The following TRIQK variants were observed in gnomAD, a reference collection of about 807,000 sequenced individuals.
TRIQK encodes the protein triple QxxK/R motif-containing protein.
TRIQK carries 10 observed loss-of-function variants against 10.8 expected under a neutral mutation model. That is an observed-to-expected ratio of 0.92 (90% CI 0.57 to 1.57). The LOEUF is 1.57. Among genes scored for constraint, TRIQK ranks in the 40% most tolerant of loss-of-function variants. The probability of loss-of-function intolerance (pLI) is 0.00; values close to 1 mark genes in which losing one functional copy is unlikely to be tolerated. For synonymous variants in TRIQK, 33 were observed against 33.7 expected (o/e 0.98, Z 0.07); for missense variants, 107 against 97.7 (o/e 1.09, Z -0.40).
chr8:93,012,213 T>A (rs925330671), intron 1 of TRIQK, among the ~76,000 whole-genome samples: 10 of 152,198 alleles, frequency 6.6e-5, no homozygotes, highest in African/African-American at 1.9e-4. Flanking sequence ...GAAACTTTGT[T>A]GAAAGGGTAA....
intron 2 of TRIQK, among the ~76,000 whole-genome samples, chr8:92,945,790 C>T (rs1811499728): frequency 6.6e-6 from 1 of 152,014 alleles, no homozygotes; most frequent in South Asian, 2.1e-4. Context: ...ATATAAAATA[C>T]AGTTAATTAT....
At chr8:92,923,568 AATC>A in intron 2 of TRIQK, among the ~76,000 whole-genome samples, 1 of 151,920 alleles carries the variant, frequency 6.6e-6, no homozygotes, top group Middle Eastern at 3.2e-3. Context: ...TTTCAGATTA[AATC>A]ATCACAGAAG....
chr8:93,015,201 TTTAC>T (rs1273422657), intron 1 of TRIQK, among the ~76,000 whole-genome samples: 1 of 151,836 alleles, frequency 6.6e-6, no homozygotes, highest in Non-Finnish European at 1.5e-5. Flanking sequence ...AAAAATTTGT[TTTAC>T]TTAGATGCTT....
intron 3 of TRIQK, among the ~76,000 whole-genome samples, chr8:92,908,232 T>G (rs1012275466): frequency 2.0e-5 from 3 of 151,562 alleles, no homozygotes; most frequent in African/African-American, 7.3e-5. Flanking sequence ...TAAATGTTCA[T>G]TTTCTAGAAG....
At position 92,889,554 on chromosome 8, in the gene TRIQK, C is replaced by T. The variant is rs751785836; in HGVS notation, c.147+2435G>A. Among the ~76,000 whole-genome samples, 5 of 151,644 alleles carry T rather than the reference C, an allele frequency of 3.3e-5. No homozygotes were observed. The East Asian group carries it at 5.8e-4, about 18-fold the overall frequency. ...TTTTGTAATATATAATATGGCAACACGATGCACACTTTAGGAGGGTATCTT... is the reference window on the plus strand; with the variant it reads ...TTTTGTAATATATAATATGGCAACATGATGCACACTTTAGGAGGGTATCTT... On this transcript the variant is annotated intron_variant, in intron 4 of 4. Transcript: ENST00000521988.
chr8:92,952,090 A>C lies in TRIQK; in HGVS notation c.-22+2316T>G, dbSNP rs116927775. ...AGGCATACTAAAAGGGAAAAAAAAA[A>C]ACACAATTTGAAGAGATACACAAGC... On this transcript the variant is annotated intron_variant, in intron 2 of 4. Coordinates refer to ENST00000521988, the MANE Select transcript of TRIQK (RefSeq NM_001171797.2). 1.8e-3 allele frequency among the ~76,000 whole-genome samples: 281 copies of C among 152,198 alleles called. 2 individuals are homozygous for C. The highest frequency in any genetic ancestry group is 3.4e-3 in the Middle Eastern group (1 of 294).
intron 1 of TRIQK, among the ~76,000 whole-genome samples, chr8:92,996,403 G>A (rs1439578398): frequency 6.6e-6 from 1 of 151,884 alleles, no homozygotes; most frequent in Non-Finnish European, 1.5e-5. Flanking sequence ...CTACTGCATT[G>A]AACCATAAAT....
At chr8:92,934,028 G>A (rs1046190038) in intron 2 of TRIQK, among the ~76,000 whole-genome samples, 11 of 152,020 alleles carry the variant, frequency 7.2e-5, no homozygotes, top group African/African-American at 2.2e-4. Context: ...AGAGAGAGCA[G>A]GAGAGAAAGT....
At chr8:92,996,672 T>C (rs1172513376) in intron 1 of TRIQK, among the ~76,000 whole-genome samples, 1 of 151,986 alleles carries the variant, frequency 6.6e-6, no homozygotes, top group African/African-American at 2.4e-5. Flanking sequence ...ACATATTACA[T>C]AGTGAAATAA....
intron 1 of TRIQK, among the ~76,000 whole-genome samples, chr8:92,955,673 T>C (rs1187580864): frequency 4.6e-5 from 7 of 151,676 alleles, no homozygotes. Context: ...GCACACCATA[T>C]ATATAATAAA....
intron 1 of TRIQK, among the ~76,000 whole-genome samples, chr8:93,003,750 C>A (rs1294273848): frequency 6.6e-6 from 1 of 152,136 alleles, no homozygotes; most frequent in Non-Finnish European, 1.5e-5. Flanking sequence ...AGCGTACAGG[C>A]ATTTGGTAAA....
chr8:92,973,113 T>G (rs1812892357), intron 1 of TRIQK: 1 of 152,210 alleles, frequency 6.6e-6, no homozygotes, highest in Non-Finnish European at 1.5e-5. Context: ...GTTATCAAAG[T>G]CATTTGTTTT....
At chr8:93,017,661 G>C (rs1813398674) in exon 1 of TRIQK, 2 of 152,386 alleles carry the variant, frequency 1.3e-5, no homozygotes, top group Admixed American at 1.3e-4. Context: ...GGAGAGGCCA[G>C]AATTGCCGGA....
intron 3 of TRIQK, among the ~76,000 whole-genome samples, chr8:92,905,305 T>C (rs1412060504): frequency 6.6e-6 from 1 of 152,154 alleles, no homozygotes; most frequent in Admixed American, 6.6e-5. Context: ...TAAAACATGA[T>C]GTTCAGTAGA....
intron 1 of TRIQK, among the ~76,000 whole-genome samples, chr8:92,983,211 A>G (rs1305636081): frequency 6.6e-6 from 1 of 152,050 alleles, no homozygotes; most frequent in Non-Finnish European, 1.5e-5. Flanking sequence ...GTTTTGTCAG[A>G]CTGCTGAAAT....
intron 2 of TRIQK, among the ~76,000 whole-genome samples, chr8:92,920,314 G>A (rs1357533115): frequency 2.0e-5 from 3 of 151,566 alleles, no homozygotes; most frequent in Admixed American, 2.0e-4. Context: ...ACTGGTGTCT[G>A]CAAGTTGTTC....
intron 1 of TRIQK, among the ~76,000 whole-genome samples, chr8:93,012,447 A>G (rs1813344581): frequency 6.6e-6 from 1 of 152,184 alleles, no homozygotes; most frequent in African/African-American, 2.4e-5. Flanking sequence ...CAGCGTTTTC[A>G]GAAAAGCCAA....
At position 92,918,784 on chromosome 8, in the gene TRIQK, C is replaced by A. The variant is rs557380027; in HGVS notation, c.-21-1774G>T. ...GGGCTTTTGAGATCTTACCCCCCCC[C>A]ACAATTTTTGCCAGACCAATGTCCT... On this transcript the variant is annotated intron_variant, in intron 2 of 4. Transcript: ENST00000521988. Among the ~76,000 whole-genome samples the A allele has an allele frequency of 1.6e-4, 24 of 150,960 alleles. No individual in the cohort carries two copies. In the East Asian group the frequency reaches 3.1e-3, roughly 20 times the overall value.
chr8:92,997,708 C>G (rs1813166737), intron 1 of TRIQK, among the ~76,000 whole-genome samples: 1 of 151,980 alleles, frequency 6.6e-6, no homozygotes, highest in African/African-American at 2.4e-5. Context: ...ATGAATCAAT[C>G]AATGAATTAA....
Sources: allele counts gnomAD v4.1 joint callset (sites outside exome capture counted in the v4.1 genomes callset), GRCh38; gene constraint gnomAD v4.1.1; transcripts MANE v1.5; gene names NCBI Gene and HGNC (gene_info 2026-07-23, HGNC 2026-07-21).